The following POU6F2 variants were observed in gnomAD, a reference collection of about 807,000 sequenced individuals.
The protein encoded by POU6F2 is POU class 6 homeobox 2.
POU6F2 carries 31 observed loss-of-function variants against 71.3 expected under a neutral mutation model. The ratio of observed to expected loss-of-function variants is 0.43; its 90% CI spans 0.33 to 0.59. POU6F2 has a LOEUF of 0.59. Among genes scored for constraint, POU6F2 ranks in the 20% least tolerant of loss-of-function variants. The pLI is 0.04. For synonymous variants in POU6F2, 347 were observed against 355.7 expected (o/e 0.98, Z 0.27); for missense variants, 783 against 856.8 (o/e 0.91, Z 1.07).
At chr7:39,457,152 G>A (rs559713402) in intron 8 of POU6F2, among the ~76,000 whole-genome samples, 55 of 152,274 alleles carry the variant, frequency 3.6e-4, no homozygotes, top group African/African-American at 1.3e-3. Context: ...CAATAGAGAC[G>A]GCAGAGGAAG....
At chr7:39,036,829 A>G (rs1486147953) in intron 1 of POU6F2, among the ~76,000 whole-genome samples, 4 of 151,666 alleles carry the variant, frequency 2.6e-5, no homozygotes, top group Non-Finnish European at 5.9e-5. Flanking sequence ...ACAGTGTCCT[A>G]GTATTTTAAC....
At chr7:39,038,786 A>T (rs1790118364) in intron 1 of POU6F2, among the ~76,000 whole-genome samples, 1 of 151,972 alleles carries the variant, frequency 6.6e-6, no homozygotes, top group Non-Finnish European at 1.5e-5. Flanking sequence ...AGTGTAGAAT[A>T]CGTCCCATTG....
chr7:39,386,109 C>G (rs1162854681), intron 5 of POU6F2, among the ~76,000 whole-genome samples: 39 of 141,284 alleles, frequency 2.8e-4, no homozygotes. Context: ...CAGAGCAAGA[C>G]TCCGTCTCAA....
intron 6 of POU6F2, among the ~76,000 whole-genome samples, chr7:39,415,498 C>T (rs186774789): frequency 6.6e-6 from 1 of 152,330 alleles, no homozygotes; most frequent in Admixed American, 6.5e-5. Context: ...ACAGGTACTA[C>T]GTAACAAGAT....
chr7:39,422,901 C>T (rs1467724260), intron 6 of POU6F2, among the ~76,000 whole-genome samples: 4 of 152,162 alleles, frequency 2.6e-5, no homozygotes, highest in African/African-American at 9.7e-5. Flanking sequence ...TTCTCGGACT[C>T]TCAAGATCTA....
chr7:39,458,228 T>C (rs1468792235), intron 8 of POU6F2, among the ~76,000 whole-genome samples: 2 of 151,928 alleles, frequency 1.3e-5, no homozygotes, highest in African/African-American at 4.8e-5. Flanking sequence ...GGTGTGAACA[T>C]GAGGAGGAGC....
rs371471629 is a variant in POU6F2 at position 39,189,556 on chromosome 7, G to A, written c.278-14679G>A. 4.6e-4 allele frequency among the ~76,000 whole-genome samples: 70 copies of A among 151,874 alleles called. 2 individuals carry two copies. In the South Asian group the frequency reaches 0.01, roughly 22 times the overall value. ...TGGGACTACAGGCACGTGCCACCAC[G>A]CCCAGCTAATTTTTAAAGATATTTT... On this transcript the variant is annotated intron_variant, in intron 2 of 9. Coordinates refer to ENST00000518318, the MANE Select transcript of POU6F2 (RefSeq NM_001370959.1).
intron 6 of POU6F2, among the ~76,000 whole-genome samples, chr7:39,430,547 A>G (rs189142611): frequency 1.0e-3 from 158 of 152,298 alleles, no homozygotes; most frequent in African/African-American, 3.6e-3. Context: ...GAGGCTGATG[A>G]CTTGTTTGCA....
intron 6 of POU6F2, among the ~76,000 whole-genome samples, chr7:39,426,746 G>T (rs1282742736): frequency 2.0e-5 from 3 of 152,182 alleles, no homozygotes; most frequent in Non-Finnish European, 4.4e-5. Context: ...GAGGTAAGGA[G>T]AAAGCTCCCC....
chr7:39,134,019 C>G (rs1214410503), intron 2 of POU6F2, among the ~76,000 whole-genome samples: 1 of 151,998 alleles, frequency 6.6e-6, no homozygotes, highest in Non-Finnish European at 1.5e-5. Context: ...GAACTACAGG[C>G]GTGTACCACC....
intron 9 of POU6F2, among the ~76,000 whole-genome samples, chr7:39,461,179 GAAGGT>G (rs1788941791): frequency 6.6e-6 from 1 of 152,172 alleles, no homozygotes; most frequent in Non-Finnish European, 1.5e-5. Context: ...TTGTGACCTT[GAAGGT>G]TTTAACTTGC....
intron 4 of POU6F2, among the ~76,000 whole-genome samples, chr7:39,303,199 C>T (rs1455733055): frequency 1.3e-5 from 2 of 152,162 alleles, no homozygotes; most frequent in African/African-American, 4.8e-5. Context: ...CTCTGTCACC[C>T]AGGCTGGAGT....
chr7:39,064,941 T>C (rs1474362171), intron 1 of POU6F2, among the ~76,000 whole-genome samples: 2 of 151,866 alleles, frequency 1.3e-5, no homozygotes, highest in Non-Finnish European at 3.0e-5. Flanking sequence ...TCTTAGAAAG[T>C]CAATGCGAAG....
At chr7:39,050,098 G>A (rs1366307269) in intron 1 of POU6F2, among the ~76,000 whole-genome samples, 3 of 151,838 alleles carry the variant, frequency 2.0e-5, no homozygotes, top group African/African-American at 7.3e-5. Context: ...TTATATCTTT[G>A]TTTAGTAACT....
In POU6F2 at chr7:39,174,622, C is replaced by T. The variant is rs535529282; in HGVS notation, c.278-29613C>T. Reference sequence around the variant, plus strand: ...ATTCCTGCCCACCTCCTCCTTCCTTCACCCCATGGCTTGTCCCCTCTCTCC... The same window carrying T: ...ATTCCTGCCCACCTCCTCCTTCCTTTACCCCATGGCTTGTCCCCTCTCTCC... On this transcript the variant is annotated intron_variant, in intron 2 of 9. Transcript: ENST00000518318. Among the ~76,000 whole-genome samples the T allele has an allele frequency of 2.0e-5, 3 of 152,252 alleles. No individual in the cohort carries two copies. The South Asian group carries it at 6.2e-4, about 32-fold the overall frequency.
chr7:39,107,873 A>G (rs62442214), intron 2 of POU6F2, among the ~76,000 whole-genome samples: 17,683 of 152,216 alleles, frequency 0.12, 1,086 homozygotes, highest in Middle Eastern at 0.15. Flanking sequence ...AAAAGAGACA[A>G]AGGAATAAAT....
intron 5 of POU6F2, among the ~76,000 whole-genome samples, chr7:39,359,629 G>A (rs1041067440): frequency 1.3e-5 from 2 of 152,200 alleles, no homozygotes; most frequent in East Asian, 1.9e-4. Flanking sequence ...ATGAAGTCTC[G>A]TTTTATTTTT....
At chr7:39,378,222 G>T (rs1562808247) in intron 5 of POU6F2, among the ~76,000 whole-genome samples, 1 of 152,180 alleles carries the variant, frequency 6.6e-6, no homozygotes, top group Non-Finnish European at 1.5e-5. Context: ...AGCAAAAAGA[G>T]TAGTTTACGG....
At chr7:39,205,717 A>G (rs1213384792) in intron 3 of POU6F2, among the ~76,000 whole-genome samples, 11 of 152,192 alleles carry the variant, frequency 7.2e-5, no homozygotes, top group Admixed American at 4.6e-4. Flanking sequence ...TGAATTTAGC[A>G]AAGTGCACAA....
Sources: gnomAD v4.1 joint callset for allele counts (sites outside exome capture counted in the v4.1 genomes callset) on GRCh38, gnomAD v4.1.1 for gene constraint, MANE v1.5 for transcripts, NCBI Gene and HGNC (gene_info 2026-07-23, HGNC 2026-07-21) for gene names.